PHAX: variants seen among roughly 807,000 people sequenced by gnomAD.
PHAX encodes the protein phosphorylated adaptor for RNA export, also known as phosphorylated adapter RNA export protein.
PHAX carries 31 observed loss-of-function variants against 41.6 expected under a neutral mutation model. The observed-to-expected ratio is 0.75, with a 90% CI of 0.56 to 1.01. The LOEUF is 1.01. Among genes scored for constraint, PHAX ranks in the 50% least tolerant of loss-of-function variants. PHAX has a pLI of 0.00. For synonymous variants in PHAX, 175 were observed against 164.9 expected, an observed-to-expected ratio of 1.06 and a Z score of -0.47; for missense variants, 453 against 472.9, an observed-to-expected ratio of 0.96 and a Z score of 0.39.
At position 126,603,611 on chromosome 5, in the gene PHAX, C is replaced by G. The variant is rs768237680; in HGVS notation, c.138C>G (p.Asn46Lys). ...ACAGTGCTATGAGGGCCTTCCAGAA[C>G]ACGGCAACTGCATGTGCACCAGTAT... Reference protein sequence around the residue: ...GGDSAMRAFQNTATACAPVSH... With the variant: ...GGDSAMRAFQKTATACAPVSH... Residue 46 changes from asparagine (N) to lysine (K), a missense_variant, in exon 2 of 5, where the codon AAC becomes AAG. Coordinates refer to ENST00000297540, the MANE Select transcript of PHAX (RefSeq NM_032177.4). 31 of 1,613,880 alleles carry G rather than the reference C, an allele frequency of 1.9e-5. 1 individual carries two copies. The South Asian group carries it at 3.3e-4, about 17-fold the overall frequency.
intron 3 of PHAX, among the ~76,000 whole-genome samples, chr5:126,614,022 T>A (rs528243067): frequency 6.6e-6 from 1 of 151,750 alleles, no homozygotes; most frequent in Non-Finnish European, 1.5e-5. Context: ...AAGCAATCCA[T>A]CTGCCTCTAG....
intron 3 of PHAX, among the ~76,000 whole-genome samples, chr5:126,614,189 C>T (rs1409088645): frequency 6.6e-6 from 1 of 152,060 alleles, no homozygotes; most frequent in East Asian, 1.9e-4. Flanking sequence ...ACCTCTGCCT[C>T]CCAGATTCAA....
At chr5:126,614,543 C>G (rs1205323637) in intron 3 of PHAX, among the ~76,000 whole-genome samples, 3 of 152,058 alleles carry the variant, frequency 2.0e-5, no homozygotes, top group African/African-American at 7.2e-5. Flanking sequence ...TTTATGTGTA[C>G]AGAGTTTCAG....
At chr5:126,610,162 G>A (rs1177773361) in intron 3 of PHAX, among the ~76,000 whole-genome samples, 2 of 152,214 alleles carry the variant, frequency 1.3e-5, no homozygotes, top group Non-Finnish European at 2.9e-5. Flanking sequence ...AAAAGTTCCT[G>A]GGGTGGTAGA....
chr5:126,617,665 G>GA (rs1752206982), intron 4 of PHAX, among the ~76,000 whole-genome samples: 2 of 151,992 alleles, frequency 1.3e-5, no homozygotes, highest in Non-Finnish European at 2.9e-5. Flanking sequence ...TTTTAGTAGA[G>GA]ACGGGGTTTC....
At chr5:126,612,761 G>A (rs1752124255) in intron 3 of PHAX, among the ~76,000 whole-genome samples, 1 of 152,140 alleles carries the variant, frequency 6.6e-6, no homozygotes, top group African/African-American at 2.4e-5. Context: ...ACTGAACTGG[G>A]GAATAAGATT....
Position 126,623,785 on chromosome 5 carries a change from T to C in PHAX, c.916-790T>C, listed in dbSNP as rs917542213. Reference sequence around the variant, plus strand: ...AGTGCTTTTTATAAACAAGAAGGGATTGGGATTTGTATTCTTTAAGAATAT... The same window carrying C: ...AGTGCTTTTTATAAACAAGAAGGGACTGGGATTTGTATTCTTTAAGAATAT... On this transcript the variant is annotated intron_variant, in intron 4 of 4. Transcript: ENST00000297540. Among the ~76,000 whole-genome samples the C allele has an allele frequency of 2.6e-5, 4 of 152,262 alleles. No individual in the cohort carries two copies. In the East Asian group the frequency reaches 7.7e-4, roughly 29 times the overall value.
intron 1 of PHAX, 99 bp from the exon 2 acceptor site, chr5:126,603,471 C>T: frequency 2.3e-6 from 3 of 1,292,770 alleles, no homozygotes; most frequent in Non-Finnish European, 3.2e-6. Context: ...AGATCAGTTC[C>T]ATTTTGGAAT....
chr5:126,624,627 G>A lies in PHAX; in HGVS notation c.968G>A (p.Arg323Lys), dbSNP rs1752318325. Residue 323 changes from arginine (R) to lysine (K), a missense_variant, in exon 5 of 5, where the codon AGG becomes AAG. Coordinates refer to ENST00000297540, the MANE Select transcript of PHAX (RefSeq NM_032177.4). The part of the protein sequence containing the change: ...QKEYENKKAA[R>K]KRRTQVLGKK... ...GAATATGAAAATAAAAAAGCTGCTA[G>A]GAAGAGGAGAACACAAGTGTTGGGG... 1.2e-6 allele frequency: 2 copies of A among 1,611,510 alleles called. No individual in the cohort carries two copies. Among genetic ancestry groups the A allele is most frequent in the South Asian group, 2.2e-5 (2 of 90,244 alleles).
chr5:126,618,415 T>G (rs1005718894), intron 4 of PHAX, among the ~76,000 whole-genome samples: 7 of 152,010 alleles, frequency 4.6e-5, no homozygotes, highest in Non-Finnish European at 1.0e-4. Context: ...TATCTCCCAG[T>G]AATGACAATA....
chr5:126,614,495 A>G (rs966818610), intron 3 of PHAX, among the ~76,000 whole-genome samples: 2 of 152,140 alleles, frequency 1.3e-5, no homozygotes, highest in Admixed American at 6.6e-5. Context: ...TAAAACAAGA[A>G]AGAGTATCAA....
intron 2 of PHAX, among the ~76,000 whole-genome samples, chr5:126,604,858 A>AC (rs1751965645): frequency 1.3e-5 from 2 of 152,064 alleles, no homozygotes; most frequent in African/African-American, 4.8e-5. Context: ...ACACAGTGAA[A>AC]CCCCATCTCT....
In PHAX at chr5:126,627,144, A is replaced by G. The variant is rs1752369727; in HGVS notation, c.*2300A>G. ...GACAGTGTACTTGAAGTCTTTTGGT[A>G]GTTCTGAGAATGTGGTCATTGAAGT... On this transcript the variant is annotated 3_prime_UTR_variant, in exon 5 of 5. Transcript: ENST00000297540. 6.6e-6 allele frequency: 1 copy of G among 152,212 alleles called. No individual in the cohort carries two copies. The highest frequency in any genetic ancestry group is 1.5e-5 in the Non-Finnish European group (1 of 68,038). 9.4% of individuals were successfully genotyped at this position (152,212 alleles called of 1,614,324 possible). A position where few individuals can be genotyped will look rare whatever the true frequency, so the allele number is the denominator to read the frequency against.
At chr5:126,622,770 TA>T (rs1752291667) in intron 4 of PHAX, among the ~76,000 whole-genome samples, 4 of 152,128 alleles carry the variant, frequency 2.6e-5, no homozygotes, top group Admixed American at 2.6e-4. Context: ...GAATTAAAGG[TA>T]AGTGAACTCT....
At chr5:126,614,224 T>C (rs1308055678) in intron 3 of PHAX, among the ~76,000 whole-genome samples, 2 of 151,898 alleles carry the variant, frequency 1.3e-5, no homozygotes, top group Non-Finnish European at 2.9e-5. Flanking sequence ...CTCAGCCTTC[T>C]GAGTAACTGG....
At chr5:126,603,027 T>C (rs1447315628) in intron 1 of PHAX, among the ~76,000 whole-genome samples, 2 of 139,354 alleles carry the variant, frequency 1.4e-5, no homozygotes, top group Non-Finnish European at 3.1e-5. Flanking sequence ...AAAAAATACA[T>C]GCCCAGCCTG....
intron 1 of PHAX, among the ~76,000 whole-genome samples, chr5:126,603,266 T>A (rs562704507): frequency 6.6e-6 from 1 of 152,288 alleles, no homozygotes; most frequent in African/African-American, 2.4e-5. Flanking sequence ...TATGTCATTT[T>A]AAAACATTCT....
chr5:126,603,764 T>C lies in PHAX; in HGVS notation c.291T>C (p.Phe97=), dbSNP rs1273617122. ...CFNPPPKPEP[F]QFGQSSQKPP... is the part of the protein sequence containing the mutation. ...ACCCTCCTCCCAAACCAGAGCCTTT[T>C]CAGTTTGGCCAGAGCAGTCAGAAAC... The change falls in exon 2 of 5, where the codon TTT becomes TTC. Residue 97 remains phenylalanine (F), a synonymous_variant. Transcript: ENST00000297540. 2.5e-6 allele frequency: 4 copies of C among 1,614,028 alleles called. No homozygotes were observed. Among genetic ancestry groups the C allele is most frequent in the Non-Finnish European group, 3.4e-6 (4 of 1,180,028 alleles).
intron 2 of PHAX, 115 bp from the exon 3 acceptor site, chr5:126,608,249 A>G: frequency 8.2e-7 from 1 of 1,226,198 alleles, no homozygotes; most frequent in Non-Finnish European, 1.1e-6. Flanking sequence ...AATATTGAAG[A>G]TTTAGAAAAC....
Sources: gnomAD v4.1 joint callset for allele counts (sites outside exome capture counted in the v4.1 genomes callset) on GRCh38, gnomAD v4.1.1 for gene constraint, MANE v1.5 for transcripts, NCBI Gene and HGNC (gene_info 2026-07-23, HGNC 2026-07-21) for gene names.